MYO18A: variants seen among roughly 807,000 people sequenced by gnomAD.
MYO18A encodes myosin XVIIIA.
MYO18A carries 78 observed loss-of-function variants against 235.8 expected under a neutral mutation model. The ratio of observed to expected loss-of-function variants is 0.33; its 90% confidence interval spans 0.28 to 0.40. The LOEUF (loss-of-function observed/expected upper bound fraction) is 0.40. Ranked by LOEUF, MYO18A falls within the 10% of genes least tolerant of loss-of-function variation. The pLI is 1.00. For missense variants in MYO18A, 2,215 were observed against 2,699.3 expected (o/e 0.82, Z 3.98); for synonymous variants, 977 against 1,077.8 (o/e 0.91, Z 1.83).
intron 17 of MYO18A, among the ~76,000 whole-genome samples, chr17:29,110,856 G>A (rs1402776931): frequency 6.6e-6 from 1 of 152,202 alleles, no homozygotes. Flanking sequence ...GACAGGAATC[G>A]GACAGAGGGG....
At chr17:29,094,527 G>C in intron 30 of MYO18A, 123 bp downstream of exon 30, 1 of 973,022 alleles carries the variant, frequency 1.0e-6, no homozygotes, top group South Asian at 1.5e-5. Context: ...TTTGTGAGTA[G>C]GTGAGTGAGT....
At chr17:29,110,812 G>A (rs1040659206) in intron 17 of MYO18A, among the ~76,000 whole-genome samples, 190 bp from the exon 18 acceptor site, 2 of 152,206 alleles carry the variant, frequency 1.3e-5, no homozygotes, top group Non-Finnish European at 2.9e-5. Flanking sequence ...ACAGTAAGGA[G>A]AGAAAGCCAG....
In MYO18A at chr17:29,131,351, G is replaced by A. The variant is rs940696662; in HGVS notation, c.1000-9098C>T. 31 of 979,356 alleles carry A rather than the reference G, an allele frequency of 3.2e-5. No individual in the cohort carries two copies. In the East Asian group the frequency reaches 2.0e-3, roughly 65 times the overall value. 60.7% of individuals were successfully genotyped at this position (979,356 alleles called of 1,614,324 possible). A position where few individuals can be genotyped will look rare whatever the true frequency, so the allele number is the denominator to read the frequency against. ...CACACACATGCCCGCACACACACAC[G>A]CATGCCTCGGAGAACTCAAGGATGC... On this transcript the variant is annotated intron_variant, in intron 2 of 41. Transcript: ENST00000527372.
In MYO18A at chr17:29,106,659, C is replaced by T. The variant is rs936656723; in HGVS notation, c.3441+421G>A. The stretch of plus-strand genomic sequence containing the variant: ...AAATGGCCCGGCAGCCTATGTTCAC[C>T]TGGCACCACGGAGGTCTCACCATAT... On this transcript the variant is annotated intron_variant, in intron 20 of 41. Coordinates refer to ENST00000527372, the MANE Select transcript of MYO18A (RefSeq NM_078471.4). The surrounding 1 kb of genome is among the most constrained non-coding windows in gnomAD (Gnocchi z 4.6). Among the ~76,000 whole-genome samples, 1 of 152,200 alleles carries T rather than the reference C, an allele frequency of 6.6e-6. No homozygotes were observed. Among genetic ancestry groups the T allele is most frequent in the African/African-American group, 2.4e-5 (1 of 41,448 alleles).
chr17:29,099,380 C>T (rs1286434853), intron 22 of MYO18A, among the ~76,000 whole-genome samples: 1 of 152,152 alleles, frequency 6.6e-6, no homozygotes, highest in Non-Finnish European at 1.5e-5. Context: ...CTTCATGGAG[C>T]AGCCTATGAT....
intron 2 of MYO18A, among the ~76,000 whole-genome samples, chr17:29,149,190 C>T (rs928519252): frequency 3.9e-5 from 6 of 152,230 alleles, no homozygotes; most frequent in African/African-American, 1.4e-4. Flanking sequence ...GTCCCCAGGA[C>T]GCGTAGGGCA....
intron 20 of MYO18A, among the ~76,000 whole-genome samples, chr17:29,104,865 T>C (rs1188882150): frequency 6.6e-6 from 1 of 151,912 alleles, no homozygotes; most frequent in Admixed American, 6.6e-5. Flanking sequence ...CTGCTAAGAA[T>C]TCAAGTAACA....
intron 2 of MYO18A, among the ~76,000 whole-genome samples, chr17:29,148,968 C>CA (rs2067911249): frequency 6.6e-6 from 1 of 152,236 alleles, no homozygotes; most frequent in Admixed American, 6.5e-5. Context: ...GGGGTGGGGC[C>CA]AAGCCCAGCA....
At chr17:29,094,359 TTGGTGGCTGGGTAGCAGGC>T in intron 30 of MYO18A, 2 of 599,320 alleles carry the variant, frequency 3.3e-6, no homozygotes, top group South Asian at 4.1e-5. Context: ...CTGAACTGAC[TTGGTGGCTGGGTAGCAGGC>T]TGGGTGGGCC....
chr17:29,120,745 C>T lies in MYO18A; in HGVS notation c.1599G>A (p.Gln533=), dbSNP rs747416600. Residue 533 remains glutamine, a synonymous_variant, in exon 7 of 42, where the codon CAG becomes CAA. Coordinates refer to ENST00000527372, the MANE Select transcript of MYO18A (RefSeq NM_078471.4). The surrounding 1 kb of genome is among the most constrained non-coding windows in gnomAD (Gnocchi z 4.2). ...GNKVFSVEKW[Q]ALYTLLEAFG... is the part of the protein sequence containing the mutation. ...AGGCTTCCAGGAGGGTGTACAGAGC[C>T]TGCCACTTCTCCACTGCAGAATACA... 1 of 1,613,460 alleles carries T rather than the reference C, an allele frequency of 6.2e-7. No individual in the cohort carries two copies.
Position 29,074,884 on chromosome 17 carries a change from A to T in MYO18A, c.6051T>A (p.Pro2017=). The T allele has an allele frequency of 6.2e-7, 1 of 1,613,938 alleles. No individual in the cohort carries two copies. The highest frequency in any genetic ancestry group is 8.5e-7 in the Non-Finnish European group (1 of 1,179,876). The change falls in exon 42 of 42, where the codon CCT becomes CCA. Residue 2017 remains proline (P), a synonymous_variant. Coordinates refer to ENST00000527372, the MANE Select transcript of MYO18A (RefSeq NM_078471.4). The surrounding 1 kb of genome is among the most constrained non-coding windows in gnomAD (Gnocchi z 4.4). The part of the protein sequence containing the change: ...SPTSYWKSLA[P]DRSDDEHDPL... ...GGTCGTGCTCATCATCTGACCGATC[A>T]GGGGCAAGGGACTTCCAGTAGCTGG...
Position 29,115,454 on chromosome 17 carries a change from G to A in MYO18A, c.2228-13C>T. 6.2e-7 allele frequency: 1 copy of A among 1,611,798 alleles called. No homozygotes were observed. Among genetic ancestry groups the A allele is most frequent in the Non-Finnish European group, 8.5e-7 (1 of 1,179,194 alleles). ...CTCAGTTTCGGGCCTGTGGGGCAGG[G>A]GGAGCAGCGCTATCTCCTTCTCCCC... On this transcript the variant is annotated splice_polypyrimidine_tract_variant and intron_variant, in intron 12 of 41. Transcript: ENST00000527372.
In MYO18A at chr17:29,092,994, C is replaced by G. The variant is rs371450769; in HGVS notation, c.4934G>C (p.Arg1645Pro). 12 of 1,612,896 alleles carry G rather than the reference C, an allele frequency of 7.4e-6. No individual in the cohort carries two copies. The Admixed American group carries it at 2.0e-4, about 27-fold the overall frequency. Reference sequence around the variant, plus strand: ...CCGCTTCTCTGACTCAAAGTCCCGCCGGTTCACCTGGGTGGGCACCAGCAG... The same window carrying G: ...CCGCTTCTCTGACTCAAAGTCCCGCGGGTTCACCTGGGTGGGCACCAGCAG... ...KLATLSDQVN[R>P]RDFESEKRLR... Residue 1645 changes from arginine to proline, a missense_variant, in exon 33 of 42, where the codon CGG (arginine) becomes CCG (proline). Physicochemically the swap from Arg to Pro is moderately radical, Grantham distance 103. Transcript: ENST00000527372.
intron 35 of MYO18A, 51 bp downstream of exon 35, chr17:29,090,756 GACC>G: frequency 6.4e-7 from 1 of 1,557,120 alleles, no homozygotes; most frequent in Non-Finnish European, 8.9e-7. Flanking sequence ...CCATGAGGAG[GACC>G]ACAAGGATGG....
chr17:29,087,052 C>T lies in MYO18A; in HGVS notation c.5596G>A (p.Glu1866Lys), dbSNP rs761632277. The T allele has an allele frequency of 5.0e-6, 8 of 1,614,044 alleles. No homozygotes were observed. The highest frequency in any genetic ancestry group is 3.3e-5 in the Admixed American group (2 of 60,026). ...TEERDQRIAA[E>K]NREKEQNKRL... ...TTGTTCTGTTCCTTCTCCCGGTTCT[C>T]GGCTGCAATGCGCTGATCCCGCTCC... The change falls in exon 38 of 42, where the codon GAG becomes AAG. Residue 1866 changes from glutamate (E) to lysine (K), a missense_variant. By Grantham distance (56) the Glu-to-Lys change is moderately conservative. Transcript: ENST00000527372.
Position 29,076,649 on chromosome 17 carries a change from T to C in MYO18A, c.6021-1735A>G, listed in dbSNP as rs538315285. ...CACTTAGGGACTCTGGGGGGGTTTC[T>C]AGGACAAAATTATAAAGCTCACTGA... is the stretch of plus-strand genomic sequence containing the variant. On this transcript the variant is annotated intron_variant, in intron 41 of 41. Coordinates refer to ENST00000527372, the MANE Select transcript of MYO18A (RefSeq NM_078471.4). 3.3e-5 allele frequency: 5 copies of C among 152,344 alleles called. No homozygotes were observed. The South Asian group carries it at 1.0e-3, about 32-fold the overall frequency. The allele number at this position is 152,344 out of a possible 1,614,324, so 9.4% of individuals were successfully genotyped here.
chr17:29,144,812 A>G (rs908133021), intron 2 of MYO18A, among the ~76,000 whole-genome samples: 1 of 152,188 alleles, frequency 6.6e-6, no homozygotes, highest in South Asian at 2.1e-4. Flanking sequence ...GGAGTCACAC[A>G]CTATGTGGGG....
rs946663735 is a variant in MYO18A at position 29,074,999 on chromosome 17, G to C, written c.6021-85C>G. ...GCCTTTGGTTCTGGAGGCCCACAAA[G>C]CTGCGTCAGAGCACTCCCCAAAAGC... On this transcript the variant is annotated intron_variant, in intron 41 of 41. Coordinates refer to ENST00000527372, the MANE Select transcript of MYO18A (RefSeq NM_078471.4). The surrounding 1 kb of genome is among the most constrained non-coding windows in gnomAD (Gnocchi z 4.4). 6.5e-6 allele frequency: 10 copies of C among 1,545,192 alleles called. No individual in the cohort carries two copies. In the African/African-American group the frequency reaches 1.4e-4, roughly 21 times the overall value.
intron 2 of MYO18A, among the ~76,000 whole-genome samples, chr17:29,159,911 G>C (rs1365187256): frequency 6.6e-6 from 1 of 152,218 alleles, no homozygotes. Context: ...CCTCTAATAA[G>C]CTAGAAAAGG....
Sources: allele counts gnomAD v4.1 joint callset (sites outside exome capture counted in the v4.1 genomes callset), GRCh38; gene constraint gnomAD v4.1.1; non-coding constraint Gnocchi (gnomAD v3.1); transcripts MANE v1.5; gene names NCBI Gene and HGNC (gene_info 2026-07-23, HGNC 2026-07-21).